The following TENM3 variants were observed in gnomAD, a reference collection of about 807,000 sequenced individuals.
TENM3 encodes the protein teneurin transmembrane protein 3, also known as teneurin-3.
In TENM3, 63 loss-of-function variants were observed where a neutral mutation model predicts 255.1. The ratio of observed to expected loss-of-function variants is 0.25; its 90% CI spans 0.20 to 0.30. The LOEUF (loss-of-function observed/expected upper bound fraction) is 0.30, where lower values mean the gene tolerates loss of function less well. Ranked by LOEUF, TENM3 falls within the 10% of genes least tolerant of loss-of-function variation. The pLI, the probability that TENM3 is intolerant of heterozygous loss-of-function variation, is 1.00. For missense variants in TENM3, 2,929 were observed against 3,461.1 expected (o/e 0.85, Z 3.86); for synonymous variants, 1,306 against 1,322.3 (o/e 0.99, Z 0.27).
chr4:182,258,208 T>A (rs183869938), intron 1 of TENM3, among the ~76,000 whole-genome samples: 1 of 152,336 alleles, frequency 6.6e-6, no homozygotes, highest in East Asian at 1.9e-4. Context: ...AATTAAATCC[T>A]ACTATATCTA....
rs529389334 is a variant in TENM3, at chr4:182,466,439, C to T, written c.511+119510C>T. 2.0e-5 allele frequency among the ~76,000 whole-genome samples: 3 copies of T among 152,316 alleles called. No individual in the cohort carries two copies. In the East Asian group the frequency reaches 5.8e-4, roughly 29 times the overall value. On this transcript the variant is annotated intron_variant, in intron 3 of 27. Coordinates refer to ENST00000511685, the MANE Select transcript of TENM3 (RefSeq NM_001080477.4). Reference sequence around the variant, plus strand: ...GTCTCTGTGAGGCTCAGGTGATCCTCCCACCTCAGCCTCCCAGGTAGCTGG... The same window carrying T: ...GTCTCTGTGAGGCTCAGGTGATCCTTCCACCTCAGCCTCCCAGGTAGCTGG...
At chr4:181,830,063 A>C in the TENM3 span, 1 of 152,318 alleles carries the variant, frequency 6.6e-6, no homozygotes, top group East Asian at 1.9e-4. Context: ...GCACACTAGT[A>C]ATTCAGACAC....
intron 3 of TENM3, among the ~76,000 whole-genome samples, chr4:182,537,517 A>C (rs1393617508): frequency 2.0e-5 from 3 of 152,206 alleles, no homozygotes; most frequent in African/African-American, 7.2e-5. Context: ...CTATTTATTT[A>C]CCATTCCCGG....
At chr4:181,670,048 T>TA in the TENM3 span, among the ~76,000 whole-genome samples, 1 of 152,218 alleles carries the variant, frequency 6.6e-6, no homozygotes, top group East Asian at 1.9e-4. Flanking sequence ...ATATACTTTT[T>TA]ATCTCCAAAA....
At chr4:182,317,900 G>C (rs1762838646) in intron 1 of TENM3, among the ~76,000 whole-genome samples, 1 of 152,090 alleles carries the variant, frequency 6.6e-6, no homozygotes, top group Admixed American at 6.6e-5. Context: ...TGTATTTACT[G>C]TTCAATTGAT....
At chr4:182,247,944 A>T (rs1757760329) in intron 1 of TENM3, among the ~76,000 whole-genome samples, 1 of 152,182 alleles carries the variant, frequency 6.6e-6, no homozygotes, top group Non-Finnish European at 1.5e-5. Context: ...CTAAGCCATG[A>T]AGTACAATAG....
chr4:181,862,528 A>T, the TENM3 span, among the ~76,000 whole-genome samples: 1 of 152,122 alleles, frequency 6.6e-6, no homozygotes, highest in Non-Finnish European at 1.5e-5. Context: ...CAGAAAAAAA[A>T]TATATCTCAA....
the TENM3 span, among the ~76,000 whole-genome samples, chr4:181,493,396 CAAAT>C: frequency 1.3e-5 from 2 of 151,272 alleles, no homozygotes; most frequent in African/African-American, 4.9e-5. Context: ...TTCTTTTTGA[CAAAT>C]AAGATTTTGA....
At chr4:182,048,395 C>T in the TENM3 span, among the ~76,000 whole-genome samples, 9 of 152,066 alleles carry the variant, frequency 5.9e-5, no homozygotes, top group East Asian at 7.8e-4. Flanking sequence ...CTTAGTTCAC[C>T]GATTTTATGT....
intron 4 of TENM3, among the ~76,000 whole-genome samples, chr4:182,621,717 A>ATATTATATATAATATG (rs1304928650): frequency 0.034 from 3,437 of 101,324 alleles, 239 homozygotes; most frequent in East Asian, 0.072. Context: ...TATATAATAT[A>ATATTATATATAATATG]TATTATATAT....
chr4:182,799,530 T>G lies in TENM3; in HGVS notation c.7345-66T>G. On this transcript the variant is annotated intron_variant, in intron 27 of 27. Coordinates refer to ENST00000511685, the MANE Select transcript of TENM3 (RefSeq NM_001080477.4). This position sits in a 1 kb window ranked among gnomAD's most constrained non-coding sequence, Gnocchi z 4.2. ...CCGGCGCTGCCCCCAGAGTCCCGTGTGTGGGTCAGGAGTGGGGAGGCTCCC... is the reference window on the plus strand; with the variant it reads ...CCGGCGCTGCCCCCAGAGTCCCGTGGGTGGGTCAGGAGTGGGGAGGCTCCC... 1.3e-6 allele frequency: 2 copies of G among 1,503,356 alleles called. No individual in the cohort carries two copies. Among genetic ancestry groups the G allele is most frequent in the Non-Finnish European group, 1.8e-6 (2 of 1,135,910 alleles). 93.1% of individuals were successfully genotyped at this position (1,503,356 alleles called of 1,614,324 possible).
chr4:181,782,494 T>C, the TENM3 span, among the ~76,000 whole-genome samples: 1 of 152,208 alleles, frequency 6.6e-6, no homozygotes, highest in Non-Finnish European at 1.5e-5. Context: ...ATTGTGTTTA[T>C]TTGATTCTTC....
chr4:181,923,178 G>T, the TENM3 span, among the ~76,000 whole-genome samples: 1 of 152,140 alleles, frequency 6.6e-6, no homozygotes, highest in Non-Finnish European at 1.5e-5. Flanking sequence ...TTTGGAATAG[G>T]TGTGGTGCGG....
the TENM3 span, among the ~76,000 whole-genome samples, chr4:181,694,781 A>T: frequency 6.6e-6 from 1 of 152,178 alleles, no homozygotes; most frequent in African/African-American, 2.4e-5. Flanking sequence ...TTTCTCCCTT[A>T]TTCGGTTCTT....
chr4:181,884,475 A>T, the TENM3 span, among the ~76,000 whole-genome samples: 1 of 152,134 alleles, frequency 6.6e-6, no homozygotes, highest in Non-Finnish European at 1.5e-5. Flanking sequence ...CACTGTCCGC[A>T]GTCCCAAGTA....
intron 5 of TENM3, among the ~76,000 whole-genome samples, chr4:182,650,817 A>G (rs1753184128): frequency 6.6e-6 from 1 of 151,240 alleles, no homozygotes; most frequent in African/African-American, 2.4e-5. Flanking sequence ...ATTTCTGGAT[A>G]TGAGTCTCAT....
At chr4:181,680,060 C>G in the TENM3 span, among the ~76,000 whole-genome samples, 2 of 151,958 alleles carry the variant, frequency 1.3e-5, no homozygotes, top group Admixed American at 6.6e-5. Flanking sequence ...CTATACCTAC[C>G]TACAGCTTGC....
chr4:181,584,145 G>A, the TENM3 span, among the ~76,000 whole-genome samples: 9 of 152,142 alleles, frequency 5.9e-5, no homozygotes, highest in African/African-American at 2.2e-4. Context: ...AGAATTAAAA[G>A]CAATATCTTG....
intron 22 of TENM3, among the ~76,000 whole-genome samples, chr4:182,756,217 C>G (rs1762736824): frequency 6.6e-6 from 1 of 152,238 alleles, no homozygotes; most frequent in Non-Finnish European, 1.5e-5. Context: ...AGAAGCTACA[C>G]TGTGCCTCAA....
Sources: gnomAD v4.1 joint callset for allele counts (sites outside exome capture counted in the v4.1 genomes callset) on GRCh38, gnomAD v4.1.1 for gene constraint, Gnocchi (gnomAD v3.1) non-coding constraint, MANE v1.5 for transcripts, NCBI Gene and HGNC (gene_info 2026-07-23, HGNC 2026-07-21) for gene names.